The following HMGB1 variants were observed in gnomAD, a reference collection of about 807,000 sequenced individuals.
HMGB1 encodes high mobility group protein B1.
For synonymous variants in HMGB1, 81 were observed against 84.0 expected (o/e 0.96, Z 0.19); for missense variants, 79 against 253.5 (o/e 0.31, Z 4.67).
chr13:30,531,894 C>T (rs1466918181), intron 1 of HMGB1, among the ~76,000 whole-genome samples: 1 of 151,058 alleles, frequency 6.6e-6, no homozygotes, highest in Non-Finnish European at 1.5e-5. Flanking sequence ...AAGACTGTCT[C>T]AAAATAAATA....
intron 1 of HMGB1, among the ~76,000 whole-genome samples, chr13:30,476,797 C>T (rs145052907): frequency 4.9e-4 from 73 of 147,612 alleles, no homozygotes; most frequent in African/African-American, 1.7e-3. Context: ...ACCCAGGAGG[C>T]GAAGGTTAGA....
At chr13:30,524,914 G>A (rs1311457687) in intron 1 of HMGB1, among the ~76,000 whole-genome samples, 1 of 152,088 alleles carries the variant, frequency 6.6e-6, no homozygotes, top group Non-Finnish European at 1.5e-5. Context: ...GGTTATATAT[G>A]CGTTGTTTTT....
At chr13:30,514,434 C>T (rs1888059207) in intron 1 of HMGB1, among the ~76,000 whole-genome samples, 1 of 151,048 alleles carries the variant, frequency 6.6e-6, no homozygotes, top group African/African-American at 2.4e-5. Context: ...AGTGATCCTC[C>T]CACCTCAGCC....
Position 30,461,917 on chromosome 13 carries a change from T to C in HMGB1, c.472-384A>G, listed in dbSNP as rs73451910. 4.5e-3 allele frequency among the ~76,000 whole-genome samples: 688 copies of C among 151,986 alleles called. 27 individuals carry two copies. The highest frequency in any genetic ancestry group is 0.042 in the Admixed American group (647 of 15,266). On this transcript the variant is annotated intron_variant, in intron 4 of 4. Transcript: ENST00000341423. ...TACACTGTCAGACCTTAATCCTTAGTAGGAAATGTGGTCTTAAAAAAAAAA... is the reference window on the plus strand; with the variant it reads ...TACACTGTCAGACCTTAATCCTTAGCAGGAAATGTGGTCTTAAAAAAAAAA...
At chr13:30,512,728 T>A (rs1039679950) in intron 1 of HMGB1, among the ~76,000 whole-genome samples, 2 of 152,190 alleles carry the variant, frequency 1.3e-5, no homozygotes, top group African/African-American at 4.8e-5. Context: ...GTAAATCACA[T>A]GTCTGAGCCT....
chr13:30,491,934 C>T (rs1021128113), intron 1 of HMGB1, among the ~76,000 whole-genome samples: 4 of 152,068 alleles, frequency 2.6e-5, no homozygotes, highest in African/African-American at 9.7e-5. Flanking sequence ...TTTGGGAGGC[C>T]GAGGCGGGCA....
Position 30,606,227 on chromosome 13 carries a change from T to C in HMGB1, c.-15+10444A>G, listed in dbSNP as rs141767723. On this transcript the variant is annotated intron_variant, in intron 1 of 4. Transcript: ENST00000405805. ...TTTTTTAGGGTAGTGAATACATTTA[T>C]TACTCTTGGCACAATAGTCTAACAT... Among the ~76,000 whole-genome samples the C allele has an allele frequency of 3.8e-3, 577 of 152,308 alleles. 5 individuals are homozygous for C. The highest frequency in any genetic ancestry group is 0.013 in the African/African-American group (549 of 41,580).
At chr13:30,560,941 G>GA (rs531135020) in intron 1 of HMGB1, among the ~76,000 whole-genome samples, 1 of 146,296 alleles carries the variant, frequency 6.8e-6, no homozygotes, top group African/African-American at 2.5e-5. Flanking sequence ...GGTTATATAT[G>GA]TTTTTTTTTT....
chr13:30,614,908 C>T (rs375880916), intron 1 of HMGB1, among the ~76,000 whole-genome samples: 9 of 147,330 alleles, frequency 6.1e-5, no homozygotes, highest in African/African-American at 2.3e-4. Flanking sequence ...GACGGGGTTT[C>T]ACCATCTTGG....
exon 1 of HMGB1, chr13:30,616,776 T>A (rs1950569050): frequency 6.6e-6 from 1 of 152,240 alleles, no homozygotes; most frequent in African/African-American, 2.4e-5. Flanking sequence ...TAATTTCTTC[T>A]ACACGAGACT....
intron 1 of HMGB1, among the ~76,000 whole-genome samples, chr13:30,580,020 C>A (rs1006874840): frequency 6.6e-6 from 1 of 152,132 alleles, no homozygotes; most frequent in African/African-American, 2.4e-5. Flanking sequence ...TTACTTAAGA[C>A]GAAAGAAATA....
At chr13:30,597,825 A>C (rs1026420679) in intron 1 of HMGB1, among the ~76,000 whole-genome samples, 3 of 152,164 alleles carry the variant, frequency 2.0e-5, no homozygotes, top group Non-Finnish European at 4.4e-5. Flanking sequence ...ACCTCAGGTC[A>C]CATTTGACTC....
At chr13:30,517,414 T>G (rs78100989) in intron 1 of HMGB1, among the ~76,000 whole-genome samples, 6,533 of 152,358 alleles carry the variant, frequency 0.043, 187 homozygotes, top group Middle Eastern at 0.12. Flanking sequence ...GCCTTTTTGT[T>G]TGTGTTTTGA....
intron 1 of HMGB1, among the ~76,000 whole-genome samples, chr13:30,492,719 G>A (rs905077298): frequency 1.2e-4 from 18 of 152,048 alleles, no homozygotes; most frequent in Admixed American, 2.6e-4. Flanking sequence ...GGCCGGGCAC[G>A]CTGGCTCATG....
At chr13:30,481,295 G>A (rs1277010011) in intron 1 of HMGB1, among the ~76,000 whole-genome samples, 2 of 144,142 alleles carry the variant, frequency 1.4e-5, no homozygotes, top group African/African-American at 2.5e-5. Context: ...ATTAGAAGAA[G>A]ATCTGCTACA....
chr13:30,483,959 G>A (rs1887300464), intron 1 of HMGB1, among the ~76,000 whole-genome samples: 1 of 152,110 alleles, frequency 6.6e-6, no homozygotes, highest in Non-Finnish European at 1.5e-5. Flanking sequence ...TCATGGTCAG[G>A]CCCTGCTTCT....
chr13:30,464,419 C>T (rs999206401), intron 1 of HMGB1: 190 of 985,382 alleles, frequency 1.9e-4, no homozygotes, highest in Admixed American at 2.5e-4. Flanking sequence ...TCCCCCAACT[C>T]GGGAAGTATT....
rs1886187728 is a variant in HMGB1 at position 30,459,702 on chromosome 13, T to TAAATA, written c.*1654_*1655insTATTT. On this transcript the variant is annotated 3_prime_UTR_variant, in exon 5 of 5. Transcript: ENST00000341423. ...TTTTATCAGCCCATTAACCTATTTA[T>TAAATA]AAGCATAAAGTGAGTATTTTTAAAG... 6.6e-6 allele frequency: 1 copy of TAAATA among 152,178 alleles called. No individual in the cohort carries two copies. The highest frequency in any genetic ancestry group is 2.1e-4 in the South Asian group (1 of 4,834). The allele number at this position is 152,178 out of a possible 1,614,324, so 9.4% of individuals were successfully genotyped here.
intron 1 of HMGB1, among the ~76,000 whole-genome samples, chr13:30,510,092 C>T (rs1887956002): frequency 6.6e-6 from 1 of 152,230 alleles, no homozygotes; most frequent in Non-Finnish European, 1.5e-5. Flanking sequence ...CCACCTGCAT[C>T]CCGTACTCTT....
Sources: gnomAD v4.1 joint callset for allele counts (sites outside exome capture counted in the v4.1 genomes callset) on GRCh38, gnomAD v4.1.1 for gene constraint, MANE v1.5 for transcripts, NCBI Gene and HGNC (gene_info 2026-07-23, HGNC 2026-07-21) for gene names.